SLC13A4: variants seen among roughly 807,000 people sequenced by gnomAD.
The protein encoded by SLC13A4 is Na(+)/sulfate cotransporter SUT-1.
Under a neutral mutation model 72.7 loss-of-function variants are expected in SLC13A4, and 28 were observed. The ratio of observed to expected loss-of-function variants is 0.39; its 90% CI spans 0.29 to 0.53. The LOEUF (loss-of-function observed/expected upper bound fraction) is 0.53. Among genes scored for constraint, SLC13A4 ranks in the 20% least tolerant of loss-of-function variants. The pLI, the probability that SLC13A4 is intolerant of heterozygous loss-of-function variation, is 0.78. For synonymous variants in SLC13A4, 312 were observed against 325.5 expected (o/e 0.96, Z 0.45); for missense variants, 653 against 788.0 (o/e 0.83, Z 2.05).
Position 135,706,193 on chromosome 7 carries a change from A to C in SLC13A4, c.473T>G (p.Leu158Arg). The change falls in exon 4 of 16, where the codon CTG (leucine) becomes CGG (arginine). Residue 158 changes from leucine to arginine, a missense_variant. By Grantham distance (102) the Leu-to-Arg change is moderately radical (BLOSUM62 -2). Coordinates refer to ENST00000682651, the MANE Select transcript of SLC13A4 (RefSeq NM_001318192.2). ...MPIVEAVLQE[L>R]VSAEDEQLVA... Reference sequence around the variant, plus strand: ...GAGCTGCTCGTCCTCAGCACTGACCAGCTCCTGCAGCACGGCCTCCACGAT... The same window carrying C: ...GAGCTGCTCGTCCTCAGCACTGACCCGCTCCTGCAGCACGGCCTCCACGAT... 6.2e-7 allele frequency: 1 copy of C among 1,613,982 alleles called. No homozygotes were observed. The highest frequency in any genetic ancestry group is 8.5e-7 in the Non-Finnish European group (1 of 1,179,860).
At chr7:135,715,566 G>C (rs1031273561) in intron 2 of SLC13A4, among the ~76,000 whole-genome samples, 1 of 148,500 alleles carries the variant, frequency 6.7e-6, no homozygotes, top group Non-Finnish European at 1.5e-5. Flanking sequence ...TAGAGACAAA[G>C]AGCACATGCA....
At chr7:135,692,205 G>A in intron 11 of SLC13A4, 118 bp downstream of exon 11, 1 of 777,256 alleles carries the variant, frequency 1.3e-6, no homozygotes, top group Non-Finnish European at 2.2e-6. Context: ...TAAAAAGAGT[G>A]GATTTCCTGG....
At position 135,701,910 on chromosome 7, in the gene SLC13A4, G is replaced by T. The variant is rs533826420; in HGVS notation, c.634-150C>A. On this transcript the variant is annotated intron_variant, in intron 6 of 15. Transcript: ENST00000682651. The stretch of plus-strand genomic sequence containing the variant: ...AGCCAGGGGGAGCATATACACCAGG[G>T]CACCTCAGCCAGGCCTGCCCCGCCC... 19 of 656,728 alleles carry T rather than the reference G, an allele frequency of 2.9e-5. No homozygotes were observed. In the Admixed American group the frequency reaches 3.0e-4, roughly 10 times the overall value. 40.7% of individuals were successfully genotyped at this position (656,728 alleles called of 1,614,324 possible). A position where few individuals can be genotyped will look rare whatever the true frequency, so the allele number is the denominator to read the frequency against.
intron 6 of SLC13A4, 153 bp from the exon 7 acceptor site, chr7:135,701,913 C>T (rs1424849881): frequency 3.1e-6 from 2 of 639,488 alleles, no homozygotes; most frequent in Non-Finnish European, 2.6e-6. Context: ...CACCAGGGCA[C>T]CTCAGCCAGG....
At chr7:135,685,425 G>A (rs1795598051) in intron 14 of SLC13A4, 97 bp downstream of exon 14, 2 of 1,042,020 alleles carry the variant, frequency 1.9e-6, no homozygotes, top group Non-Finnish European at 2.9e-6. Flanking sequence ...GTAACCAGAG[G>A]AGAGCCTACA....
chr7:135,701,553 G>C (rs1256602393), intron 7 of SLC13A4, 127 bp downstream of exon 7: 1 of 887,580 alleles, frequency 1.1e-6, no homozygotes, highest in Non-Finnish European at 1.8e-6. Flanking sequence ...AGACATGTAT[G>C]AGAGTAATGA....
intron 13 of SLC13A4, among the ~76,000 whole-genome samples, chr7:135,687,978 ATT>A (rs758150576): frequency 1.3e-4 from 18 of 134,668 alleles, no homozygotes; most frequent in Admixed American, 2.2e-4. Context: ...CCCCGGCTAA[ATT>A]TTTTTTTTTT....
chr7:135,685,050 C>T (rs995672764), intron 14 of SLC13A4, among the ~76,000 whole-genome samples: 7 of 152,128 alleles, frequency 4.6e-5, no homozygotes, highest in Admixed American at 2.0e-4. Context: ...CAGAACTTCC[C>T]GGAGGACAGT....
intron 15 of SLC13A4, chr7:135,683,728 C>T (rs1256070128): frequency 1.0e-6 from 1 of 985,270 alleles, no homozygotes; most frequent in Admixed American, 6.2e-5. Context: ...ACCTTTCACC[C>T]TAGGTTCATA....
At chr7:135,685,408 G>A in intron 14 of SLC13A4, 114 bp downstream of exon 14, 2 of 838,376 alleles carry the variant, frequency 2.4e-6, no homozygotes, top group Non-Finnish European at 3.8e-6. Flanking sequence ...AGTGAAGGCT[G>A]TGGGCAGTAA....
At chr7:135,694,049 G>C in intron 10 of SLC13A4, 88 bp downstream of exon 10, 1 of 803,056 alleles carries the variant, frequency 1.2e-6, no homozygotes, top group Middle Eastern at 2.6e-4. Flanking sequence ...CAGTGTCAGG[G>C]ATTGTCAGGA....
At chr7:135,687,392 C>T (rs1395603204) in intron 13 of SLC13A4, among the ~76,000 whole-genome samples, 1 of 152,188 alleles carries the variant, frequency 6.6e-6, no homozygotes, top group Non-Finnish European at 1.5e-5. Flanking sequence ...TACCGCCTTC[C>T]CTACACTGCC....
chr7:135,702,713 A>C, intron 6 of SLC13A4, 132 bp downstream of exon 6: 1 of 783,372 alleles, frequency 1.3e-6, no homozygotes, highest in Non-Finnish European at 2.2e-6. Flanking sequence ...TGTCAATGGA[A>C]TCCTCACTGA....
chr7:135,706,949 A>G (rs547799617), intron 3 of SLC13A4, among the ~76,000 whole-genome samples: 92 of 152,354 alleles, frequency 6.0e-4, no homozygotes, highest in South Asian at 5.2e-3. Flanking sequence ...TGGCTTTGAG[A>G]ACGTTGTGCA....
At chr7:135,698,689 C>A (rs1324445526) in intron 8 of SLC13A4, among the ~76,000 whole-genome samples, 1 of 145,064 alleles carries the variant, frequency 6.9e-6, no homozygotes, top group Non-Finnish European at 1.5e-5. Context: ...GGCTGGAGTG[C>A]AGTGGCATGA....
chr7:135,715,307 A>G (rs1402888641), intron 2 of SLC13A4, among the ~76,000 whole-genome samples: 1 of 129,122 alleles, frequency 7.7e-6, no homozygotes, highest in African/African-American at 3.5e-5. Flanking sequence ...ACGTATATCT[A>G]AGCATGTGTA....
At chr7:135,721,346 G>A (rs1796542806) in intron 2 of SLC13A4, 49 bp downstream of exon 2, 1 of 1,603,620 alleles carries the variant, frequency 6.2e-7, no homozygotes, top group Non-Finnish European at 8.5e-7. Flanking sequence ...CTCTCTTTCA[G>A]GGGCCCTGCA....
At position 135,699,534 on chromosome 7, in the gene SLC13A4, G is replaced by A. The variant is rs1386351375; in HGVS notation, c.729C>T (p.Val243=). ...KQHPSQEKPQ[V]LTPSPRKQKL... The stretch of plus-strand genomic sequence containing the variant: ...TCTGCTTCCTGGGGCTGGGGGTCAG[G>A]ACTTGTGGCTTTTCCTAACGAAGGA... The change falls in exon 8 of 16, where the codon GTC becomes GTT. Residue 243 remains valine (V), a synonymous_variant. Coordinates refer to ENST00000682651, the MANE Select transcript of SLC13A4 (RefSeq NM_001318192.2). 6.2e-7 allele frequency: 1 copy of A among 1,600,822 alleles called. No homozygotes were observed. The highest frequency in any genetic ancestry group is 1.1e-5 in the South Asian group (1 of 88,174).
At chr7:135,691,686 A>G in intron 11 of SLC13A4, 41 bp from the exon 12 acceptor site, 1 of 1,415,382 alleles carries the variant, frequency 7.1e-7, no homozygotes, top group Non-Finnish European at 1.0e-6. Flanking sequence ...AGGGTCAGGA[A>G]TTTTCAGGAG....
Sources: allele counts gnomAD v4.1 joint callset (sites outside exome capture counted in the v4.1 genomes callset), GRCh38; gene constraint gnomAD v4.1.1; transcripts MANE v1.5; gene names NCBI Gene and HGNC (gene_info 2026-07-23, HGNC 2026-07-21).